DYNLT5: variants seen among roughly 807,000 people sequenced by gnomAD.
The protein encoded by DYNLT5 is dynein light chain Tctex-type family member 5.
Under a neutral mutation model 19.3 loss-of-function variants are expected in DYNLT5, and 25 were observed. The ratio of observed to expected loss-of-function variants is 1.30; its 90% CI spans 0.95 to 1.81. The LOEUF (loss-of-function observed/expected upper bound fraction) is 1.81, where lower values mean the gene tolerates loss of function less well. Among genes scored for constraint, DYNLT5 ranks in the 40% most tolerant of loss-of-function variants. The probability of loss-of-function intolerance (pLI) is 0.00; values close to 1 mark genes in which losing one functional copy is unlikely to be tolerated. For synonymous variants in DYNLT5, 82 were observed against 68.9 expected (o/e 1.19, Z -0.94); for missense variants, 232 against 217.9 (o/e 1.06, Z -0.41).
chr1:66,754,806 A>T (rs757201470), intron 2 of DYNLT5, 29 bp downstream of exon 2: 2 of 1,594,614 alleles, frequency 1.3e-6, no homozygotes, highest in Non-Finnish European at 8.5e-7. Context: ...TTGTAAATTC[A>T]TTTATTGAAT....
intron 2 of DYNLT5, among the ~76,000 whole-genome samples, chr1:66,761,391 A>G (rs140108592): frequency 9.8e-5 from 15 of 152,350 alleles, no homozygotes; most frequent in East Asian, 3.9e-4. Flanking sequence ...GCAAGTTGTC[A>G]TCTTTTTGCT....
At chr1:66,773,463 T>C (rs1478256923) in intron 3 of DYNLT5, among the ~76,000 whole-genome samples, 1 of 152,174 alleles carries the variant, frequency 6.6e-6, no homozygotes, top group Non-Finnish European at 1.5e-5. Context: ...GGCCTCACTG[T>C]CTCCAGACTT....
chr1:66,770,923 G>T, intron 3 of DYNLT5: 1 of 192,422 alleles, frequency 5.2e-6, no homozygotes. Context: ...TACCACTGAG[G>T]TTTTGAGTCT....
At chr1:66,753,501 T>C (rs1039107690) in intron 1 of DYNLT5, among the ~76,000 whole-genome samples, 1 of 152,232 alleles carries the variant, frequency 6.6e-6, no homozygotes, top group Non-Finnish European at 1.5e-5. Flanking sequence ...AAATTATTTA[T>C]TTAAAAGTTA....
intron 2 of DYNLT5, among the ~76,000 whole-genome samples, chr1:66,765,686 A>C (rs1572547699): frequency 6.9e-6 from 1 of 144,784 alleles, no homozygotes; most frequent in South Asian, 2.2e-4. Context: ...CCCAGGCTGG[A>C]GTGCAGTGGC....
chr1:66,758,670 A>C (rs1479217402), intron 2 of DYNLT5, among the ~76,000 whole-genome samples: 1 of 152,192 alleles, frequency 6.6e-6, no homozygotes, highest in Non-Finnish European at 1.5e-5. Flanking sequence ...AAGGTGAATA[A>C]CTACAGGTTT....
At chr1:66,770,518 A>C (rs1160037272) in intron 3 of DYNLT5, 40 bp downstream of exon 3, 2 of 1,407,680 alleles carry the variant, frequency 1.4e-6, no homozygotes, top group Non-Finnish European at 2.0e-6. Context: ...TAAACTTCTA[A>C]ATTGGTGACT....
At chr1:66,756,994 T>C (rs2094637123) in intron 2 of DYNLT5, among the ~76,000 whole-genome samples, 1 of 152,248 alleles carries the variant, frequency 6.6e-6, no homozygotes, top group Non-Finnish European at 1.5e-5. Context: ...TGCTCTCTAA[T>C]TACTCATCTA....
intron 1 of DYNLT5, among the ~76,000 whole-genome samples, chr1:66,753,974 A>G (rs1026098905): frequency 2.6e-5 from 4 of 151,138 alleles, no homozygotes; most frequent in Admixed American, 6.6e-5. Context: ...TAGGCCAGGT[A>G]GAGTGGCTCA....
intron 2 of DYNLT5, among the ~76,000 whole-genome samples, chr1:66,765,618 TCTAA>T (rs1271607343): frequency 6.6e-6 from 1 of 151,420 alleles, no homozygotes; most frequent in Non-Finnish European, 1.5e-5. Flanking sequence ...GTAAATATGT[TCTAA>T]CTTTTTCTTT....
chr1:66,757,274 G>T (rs1210651854), intron 2 of DYNLT5, among the ~76,000 whole-genome samples: 2 of 152,120 alleles, frequency 1.3e-5, no homozygotes, highest in Non-Finnish European at 2.9e-5. Context: ...GTCTTCCACA[G>T]TTGTAACTAA....
chr1:66,772,795 G>A (rs1231090643), intron 3 of DYNLT5, among the ~76,000 whole-genome samples: 1 of 152,110 alleles, frequency 6.6e-6, no homozygotes, highest in Non-Finnish European at 1.5e-5. Flanking sequence ...AGGAAAGTGT[G>A]TTTCTTTTAA....
rs373412592 is a variant in DYNLT5, at chr1:66,767,583, T to C, written c.120-2804T>C. On this transcript the variant is annotated intron_variant, in intron 2 of 4. Transcript: ENST00000282670. ...CCAAGTTTTATGATTTATTGATTAC[T>C]TGTAGCATCCCACTTCCAGGTAGCA... Among the ~76,000 whole-genome samples the C allele has an allele frequency of 8.9e-4, 136 of 152,320 alleles. 1 individual carries two copies. Among genetic ancestry groups the C allele is most frequent in the Non-Finnish European group, 1.7e-3 (114 of 68,036 alleles).
Position 66,752,545 on chromosome 1 carries a change from G to A in DYNLT5, c.-43G>A. On this transcript the variant is annotated 5_prime_UTR_variant, in exon 1 of 5. Coordinates refer to ENST00000282670, the MANE Select transcript of DYNLT5 (RefSeq NM_152665.3). The stretch of plus-strand genomic sequence containing the variant: ...CGCCGCGCGCAGTGTCTGCAGTGCC[G>A]GAGGTCTGGGAGGCTCCGGGCGAAG... 5.1e-6 allele frequency: 5 copies of A among 985,544 alleles called. No individual in the cohort carries two copies. The highest frequency in any genetic ancestry group is 6.0e-6 in the Non-Finnish European group (5 of 830,004). 61.0% of individuals were successfully genotyped at this position (985,544 alleles called of 1,614,324 possible).
intron 3 of DYNLT5, 112 bp downstream of exon 3, chr1:66,770,590 G>A (rs772629810): frequency 1.2e-6 from 1 of 860,048 alleles, no homozygotes; most frequent in South Asian, 1.3e-5. Context: ...ACAATATAAG[G>A]GACTTTAATG....
intron 2 of DYNLT5, chr1:66,768,777 G>T (rs1196292314): frequency 6.6e-6 from 1 of 152,162 alleles, no homozygotes; most frequent in Non-Finnish European, 1.5e-5. Flanking sequence ...TTTAATTGCA[G>T]TGATTAATTA....
intron 2 of DYNLT5, among the ~76,000 whole-genome samples, chr1:66,758,880 A>G (rs1572544056): frequency 6.6e-6 from 1 of 152,192 alleles, no homozygotes; most frequent in African/African-American, 2.4e-5. Context: ...TGGTGCTGCC[A>G]GAACAATTTC....
chr1:66,770,355 T>C (rs772995614), intron 2 of DYNLT5, 32 bp from the exon 3 acceptor site: 7 of 1,337,206 alleles, frequency 5.2e-6, no homozygotes, highest in Non-Finnish European at 7.5e-6. Flanking sequence ...GTTATAATAA[T>C]GACTAAAATT....
chr1:66,776,128 G>A (rs1645233004), intron 3 of DYNLT5, 151 bp from the exon 4 acceptor site: 1 of 989,834 alleles, frequency 1.0e-6, no homozygotes, highest in African/African-American at 1.7e-5. Flanking sequence ...CACTTGACAG[G>A]AAACCTAATT....
Sources: gnomAD v4.1 joint callset for allele counts (sites outside exome capture counted in the v4.1 genomes callset) on GRCh38, gnomAD v4.1.1 for gene constraint, MANE v1.5 for transcripts, NCBI Gene and HGNC (gene_info 2026-07-23, HGNC 2026-07-21) for gene names.